The following ART3 variants were observed in gnomAD, a reference collection of about 807,000 sequenced individuals.
ART3 encodes ecto-ADP-ribosyltransferase 3.
A neutral mutation model predicts 48.5 loss-of-function variants in ART3; 49 were observed. The observed-to-expected ratio is 1.01, with a 90% CI of 0.80 to 1.28. The LOEUF (loss-of-function observed/expected upper bound fraction) is 1.28. Ranked by LOEUF, ART3 falls within the 50% of genes most tolerant of loss-of-function variation. ART3 has a pLI of 0.00. For synonymous variants in ART3, 145 were observed against 157.2 expected (o/e 0.92, Z 0.58); for missense variants, 438 against 454.3 (o/e 0.96, Z 0.33).
chr4:76,105,997 T>G, intron 10 of ART3: 1 of 985,402 alleles, frequency 1.0e-6, no homozygotes, highest in Non-Finnish European at 1.2e-6. Flanking sequence ...GGGACTACAG[T>G]GTATTGTGCC....
intron 1 of ART3, chr4:76,035,184 C>T (rs752232746): frequency 1.2e-6 from 2 of 1,613,954 alleles, no homozygotes; most frequent in Non-Finnish European, 1.7e-6. Flanking sequence ...AAAGCCTGCA[C>T]CATTGTCATC....
At chr4:76,100,075 C>G (rs1339950382) in intron 5 of ART3, among the ~76,000 whole-genome samples, 1 of 152,180 alleles carries the variant, frequency 6.6e-6, no homozygotes, top group African/African-American at 2.4e-5. Context: ...TTTGTAATGA[C>G]TTTTCTTAAT....
chr4:76,076,558 G>A (rs1560616526), intron 2 of ART3, among the ~76,000 whole-genome samples: 1 of 152,132 alleles, frequency 6.6e-6, no homozygotes, highest in Non-Finnish European at 1.5e-5. Context: ...TTTTTTCTAT[G>A]TGTATACTGT....
upstream of ART3, among the ~76,000 whole-genome samples, chr4:76,074,141 G>T (rs1206087127): frequency 6.6e-6 from 1 of 152,182 alleles, no homozygotes; most frequent in Non-Finnish European, 1.5e-5. Context: ...AGCTGTAGTT[G>T]CAGGCATTAC....
At chr4:76,044,436 C>T (rs4859601) in intron 1 of ART3, among the ~76,000 whole-genome samples, 93,638 of 151,676 alleles carry the variant, frequency 0.62, 30,235 homozygotes, top group East Asian at 0.94. Flanking sequence ...GAATAGATTT[C>T]GTTATTTCTT....
chr4:76,056,892 G>A (rs1236153561), intron 1 of ART3, among the ~76,000 whole-genome samples: 4 of 152,200 alleles, frequency 2.6e-5, no homozygotes, highest in African/African-American at 9.6e-5. Context: ...GGAATCACCT[G>A]TAAATTAGAA....
At chr4:76,077,389 C>CGATAAATG (rs1560617629) in intron 2 of ART3, among the ~76,000 whole-genome samples, 1 of 152,070 alleles carries the variant, frequency 6.6e-6, no homozygotes, top group East Asian at 1.9e-4. Context: ...ATGGCCGTAC[C>CGATAAATG]GCATCTTGTT....
rs1216607923 is a variant in ART3, at chr4:76,106,217, C to G, written c.1004-1544C>G. ...CTTTGTGCTACACTTGTCTTCCAAA[C>G]AGATTTAGTTATCCACTTCTATCCT... On this transcript the variant is annotated intron_variant, in intron 10 of 11. Coordinates refer to ENST00000355810, the MANE Select transcript of ART3 (RefSeq NM_001130016.3). 4.1e-6 allele frequency: 4 copies of G among 985,288 alleles called. No individual in the cohort carries two copies. The African/African-American group carries it at 7.0e-5, about 17-fold the overall frequency. The allele number at this position is 985,288 out of a possible 1,614,324, so 61.0% of individuals were successfully genotyped here.
Position 76,017,452 on chromosome 4 carries a change from T to G in ART3, c.-10+6132T>G, listed in dbSNP as rs368641258. On this transcript the variant is annotated intron_variant, in intron 1 of 9. Coordinates refer to the ART3 transcript ENST00000341029. ...CTGTGGCTGAACTCGTATCCAAGTT[T>G]CAAGACAAAGTCCTCTTTATTCTTC... Among the ~76,000 whole-genome samples the G allele has an allele frequency of 1.3e-3, 197 of 152,038 alleles. 3 individuals are homozygous for G. Among genetic ancestry groups the G allele is most frequent in the African/African-American group, 4.4e-3 (182 of 41,452 alleles).
At chr4:76,013,240 G>A (rs914615048) in intron 1 of ART3, among the ~76,000 whole-genome samples, 1 of 152,186 alleles carries the variant, frequency 6.6e-6, no homozygotes, top group South Asian at 2.1e-4. Context: ...CTAAGCAAGA[G>A]GCAGGAGAAG....
chr4:76,111,674 C>A (rs1212752998), intron 11 of ART3, among the ~76,000 whole-genome samples: 1 of 152,096 alleles, frequency 6.6e-6, no homozygotes, highest in Non-Finnish European at 1.5e-5. Context: ...TCCTGAGTAG[C>A]GGGGACTACA....
chr4:76,016,899 T>G (rs1465563063), intron 1 of ART3, among the ~76,000 whole-genome samples: 1 of 152,182 alleles, frequency 6.6e-6, no homozygotes, highest in Non-Finnish European at 1.5e-5. Flanking sequence ...AACACCAATA[T>G]TCACTTAAGG....
At chr4:76,030,515 T>C (rs530322219) in intron 1 of ART3, among the ~76,000 whole-genome samples, 32 of 152,354 alleles carry the variant, frequency 2.1e-4, no homozygotes, top group African/African-American at 7.7e-4. Context: ...ATTTTAACCA[T>C]TTAAAAGAGT....
chr4:76,025,423 G>C (rs547797339), intron 1 of ART3, among the ~76,000 whole-genome samples: 1 of 152,254 alleles, frequency 6.6e-6, no homozygotes, highest in South Asian at 2.1e-4. Context: ...GGAGATACTT[G>C]ATAAATGGAC....
At chr4:76,041,791 A>G (rs926405078) in intron 1 of ART3, among the ~76,000 whole-genome samples, 1 of 152,204 alleles carries the variant, frequency 6.6e-6, no homozygotes, top group Non-Finnish European at 1.5e-5. Context: ...GGCATGTATT[A>G]TATACTGACT....
intron 4 of ART3, among the ~76,000 whole-genome samples, chr4:76,098,403 C>A (rs943360633): frequency 2.6e-5 from 4 of 152,052 alleles, no homozygotes; most frequent in Admixed American, 1.3e-4. Flanking sequence ...TAAAAACATA[C>A]CAAAGGTATC....
At chr4:76,109,966 C>T (rs192384253) in intron 11 of ART3, among the ~76,000 whole-genome samples, 37 of 152,232 alleles carry the variant, frequency 2.4e-4, no homozygotes, top group Admixed American at 2.0e-4. Context: ...TTCCAGTCAA[C>T]GCTTCCCCGT....
At chr4:76,037,287 T>G (rs1734525099) in intron 1 of ART3, among the ~76,000 whole-genome samples, 1 of 152,222 alleles carries the variant, frequency 6.6e-6, no homozygotes, top group Non-Finnish European at 1.5e-5. Context: ...TTGTTTTAAG[T>G]GTGTCACTTG....
intron 1 of ART3, among the ~76,000 whole-genome samples, chr4:76,040,621 G>A (rs1734890299): frequency 6.8e-6 from 1 of 146,470 alleles, no homozygotes; most frequent in Non-Finnish European, 1.5e-5. Flanking sequence ...TCCTCTGTGA[G>A]GAAGACTACT....
Sources: allele counts gnomAD v4.1 joint callset (sites outside exome capture counted in the v4.1 genomes callset), GRCh38; gene constraint gnomAD v4.1.1; transcripts MANE v1.5; gene names NCBI Gene and HGNC (gene_info 2026-07-23, HGNC 2026-07-21).